Variants in AP1S2 observed in about 807,000 individuals in gnomAD.
AP1S2 encodes the protein AP-1 complex subunit sigma-2.
AP1S2 carries 1 observed loss-of-function variant against 14.3 expected under a neutral mutation model. The ratio of observed to expected loss-of-function variants is 0.07; its 90% CI spans 0.02 to 0.33. The LOEUF (loss-of-function observed/expected upper bound fraction) is 0.33, where lower values mean the gene tolerates loss of function less well. Ranked by LOEUF, AP1S2 falls within the 10% of genes least tolerant of loss-of-function variation. The probability of loss-of-function intolerance (pLI) is 0.99; values close to 1 mark genes in which losing one functional copy is unlikely to be tolerated. For synonymous variants in AP1S2, 30 were observed against 40.5 expected (o/e 0.74, Z 0.99); for missense variants, 30 against 117.7 (o/e 0.25, Z 3.45).
At chrX:15,834,439 A>ATATATATAT (rs1933535710) in intron 4 of AP1S2, among the ~76,000 whole-genome samples, 1 of 25,133 alleles carries the variant, frequency 4.0e-5, no homozygotes, top group Admixed American at 5.5e-4. Flanking sequence ...TCCCTTCCAA[A>ATATATATAT]ATATATATAT....
At chrX:15,852,654 TC>T in intron 1 of AP1S2, 130 bp from the exon 2 acceptor site, 2 of 686,793 alleles carry the variant, frequency 2.9e-6, no homozygotes, top group Non-Finnish European at 4.3e-6. Flanking sequence ...CATCAATATT[TC>T]TATGCCAATT....
intron 4 of AP1S2, chrX:15,831,096 T>C (rs1192842504): frequency 7.0e-5 from 52 of 741,785 alleles, no homozygotes; most frequent in Non-Finnish European, 8.1e-5. Context: ...ACCTCCATAT[T>C]TGAAGACCAA....
intron 3 of AP1S2, 64 bp from the exon 4 acceptor site, chrX:15,845,580 A>G (rs1220748982): frequency 8.6e-7 from 1 of 1,159,277 alleles, no homozygotes; most frequent in Non-Finnish European, 1.2e-6. Context: ...GAAGCAGAAG[A>G]TGCTTATTCA....
chrX:15,830,987 TTTC>T (rs1407280956), intron 4 of AP1S2: 2 of 616,510 alleles, frequency 3.2e-6, no homozygotes, highest in African/African-American at 4.9e-5. Context: ...TTAATTTTAG[TTTC>T]TTGTAATATT....
chrX:15,827,211 A>G lies in AP1S2; in HGVS notation c.*114T>C. Reference sequence around the variant, plus strand: ...TAGGCATGAATGAAGCGGCTTAGCAAAACAGTAATACTGACAAGACATCAT... The same window carrying G: ...TAGGCATGAATGAAGCGGCTTAGCAGAACAGTAATACTGACAAGACATCAT... On this transcript the variant is annotated 3_prime_UTR_variant, in exon 6 of 6. Transcript: ENST00000672987. 1.3e-6 allele frequency: 1 copy of G among 787,284 alleles called. No homozygotes were observed. The highest frequency in any genetic ancestry group is 2.1e-5 in the South Asian group (1 of 47,315). The allele number at this position is 787,284 out of a possible 1,213,427, so 64.9% of individuals were successfully genotyped here.
At chrX:15,833,294 G>T in intron 4 of AP1S2, 2 of 877,376 alleles carry the variant, frequency 2.3e-6, no homozygotes, top group Non-Finnish European at 2.8e-6. Context: ...AATTCTACAG[G>T]AACAATTCTC....
chrX:15,850,882 T>C (rs1001866438), intron 2 of AP1S2, among the ~76,000 whole-genome samples: 1 of 111,663 alleles, frequency 9.0e-6, no homozygotes, highest in Admixed American at 9.6e-5. Flanking sequence ...TGCAGCCCCA[T>C]GTCAATCACT....
chrX:15,845,018 G>A (rs1933958493), intron 4 of AP1S2: 12 of 747,427 alleles, frequency 1.6e-5, no homozygotes, highest in East Asian at 1.5e-4. Context: ...GAAAAAGGGG[G>A]TTATCTTAAA....
chrX:15,837,912 G>T (rs1933699846), intron 4 of AP1S2, among the ~76,000 whole-genome samples: 1 of 111,086 alleles, frequency 9.0e-6, no homozygotes, highest in Non-Finnish European at 1.9e-5. Context: ...GCCTAGGAAT[G>T]ATTTTTATAG....
Position 15,826,810 on chromosome X carries a change from C to CTCCAA in AP1S2, c.*514_*515insTTGGA, listed in dbSNP as rs1434702494. 1 of 102,977 alleles carries CTCCAA rather than the reference C, an allele frequency of 9.7e-6. No individual in the cohort carries two copies. The highest frequency in any genetic ancestry group is 3.0e-4 in the East Asian group (1 of 3,319). The allele number at this position is 102,977 out of a possible 1,213,427, so 8.5% of individuals were successfully genotyped here. A position where few individuals can be genotyped will look rare whatever the true frequency, so the allele number is the denominator to read the frequency against. Reference sequence around the variant, plus strand: ...AAAAAAAGGTATGTAATTTCCAATACAAGTCTTTGGAGTAAATTTGCTTTT... The same window carrying CTCCAA: ...AAAAAAAGGTATGTAATTTCCAATACTCCAAAAGTCTTTGGAGTAAATTTGCTTTT... On this transcript the variant is annotated 3_prime_UTR_variant, in exon 6 of 6. Transcript: ENST00000672987.
chrX:15,832,699 C>A (rs1432931144), intron 4 of AP1S2: 1 of 855,068 alleles, frequency 1.2e-6, no homozygotes, highest in East Asian at 6.0e-5. Context: ...TGTCAATGAA[C>A]CTCTGAAGCT....
intron 4 of AP1S2, among the ~76,000 whole-genome samples, chrX:15,841,452 C>A (rs1245511442): frequency 9.0e-6 from 1 of 110,914 alleles, no homozygotes; most frequent in African/African-American, 3.3e-5. Flanking sequence ...TAAAATTGAC[C>A]AATTAGGACT....
At position 15,827,296 on chromosome X, in the gene AP1S2, C is replaced by T. The variant is rs1933294824; in HGVS notation, c.*29G>A. 1 of 1,177,948 alleles carries T rather than the reference C, an allele frequency of 8.5e-7. No homozygotes were observed. Among genetic ancestry groups the T allele is most frequent in the African/African-American group, 1.8e-5 (1 of 56,399 alleles). On this transcript the variant is annotated 3_prime_UTR_variant, in exon 6 of 6. Transcript: ENST00000672987. ...TGACCATCTACAGTGTGTGAAATGC[C>T]ACAAGAAGTCATCAACAAGGGAGGA...
chrX:15,828,890 C>T (rs1198507254), intron 4 of AP1S2, among the ~76,000 whole-genome samples: 1 of 111,403 alleles, frequency 9.0e-6, no homozygotes, highest in African/African-American at 3.3e-5. Flanking sequence ...TTCTAACAAA[C>T]CAAATATAAA....
chrX:15,833,990 G>C (rs1025223754), intron 4 of AP1S2, among the ~76,000 whole-genome samples: 1 of 111,350 alleles, frequency 9.0e-6, no homozygotes, highest in Non-Finnish European at 1.9e-5. Flanking sequence ...GGGAATAAAG[G>C]TCAGAATGAA....
Position 15,845,888 on chromosome X carries a change from T to C in AP1S2, c.288+15A>G. The C allele has an allele frequency of 1.7e-6, 2 of 1,165,672 alleles. No homozygotes were observed. Among genetic ancestry groups the C allele is most frequent in the Non-Finnish European group, 2.3e-6 (2 of 853,623 alleles). Reference sequence around the variant, plus strand: ...TACTATGGCATTCAATTTCCTAAAATAAAATACTACTCACACTGCCGAAAT... The same window carrying C: ...TACTATGGCATTCAATTTCCTAAAACAAAATACTACTCACACTGCCGAAAT... On this transcript the variant is annotated intron_variant, in intron 3 of 5. Coordinates refer to ENST00000672987, the MANE Select transcript of AP1S2 (RefSeq NM_001272071.2).
At position 15,852,557 on chromosome X, in the gene AP1S2, A is replaced by G. The variant is rs375816022; in HGVS notation, c.1-33T>C. 1.2e-5 allele frequency: 14 copies of G among 1,134,897 alleles called. No homozygotes were observed. In the African/African-American group the frequency reaches 2.5e-4, roughly 20 times the overall value. The allele number at this position is 1,134,897 out of a possible 1,213,427, so 93.5% of individuals were successfully genotyped here. ...GATAAATAAAATCAAGATTACATGT[A>G]ATACTTTGAATCAATAAAGTTAAGA... On this transcript the variant is annotated intron_variant, in intron 1 of 5. Coordinates refer to ENST00000672987, the MANE Select transcript of AP1S2 (RefSeq NM_001272071.2).
rs749716150 is a variant in AP1S2, at chrX:15,835,018, T to A, written c.427-6818A>T. Among the ~76,000 whole-genome samples the A allele has an allele frequency of 5.4e-5, 6 of 111,081 alleles. No individual in the cohort carries two copies. The South Asian group carries it at 2.3e-3, about 42-fold the overall frequency. ...CTAGATATTCACCATACTAGGCTTA[T>A]GACTCACAAGTAAAACCAACAGGGA... On this transcript the variant is annotated intron_variant, in intron 4 of 5. Transcript: ENST00000672987.
rs191072520 is a variant in AP1S2, at chrX:15,833,512, A to C, written c.427-5312T>G. The C allele has an allele frequency of 8.1e-5, 70 of 859,581 alleles. No homozygotes were observed. The African/African-American group carries it at 1.3e-3, about 16-fold the overall frequency. The allele number at this position is 859,581 out of a possible 1,213,427, so 70.8% of individuals were successfully genotyped here. Reference sequence around the variant, plus strand: ...CTTCACTGGAAAAACATCCTTCAAGAAGAAAAGAAACTCTAAAATGCACAA... The same window carrying C: ...CTTCACTGGAAAAACATCCTTCAAGCAGAAAAGAAACTCTAAAATGCACAA... On this transcript the variant is annotated intron_variant, in intron 4 of 5. Transcript: ENST00000672987.
Sources: allele counts gnomAD v4.1 joint callset (sites outside exome capture counted in the v4.1 genomes callset), GRCh38; gene constraint gnomAD v4.1.1; transcripts MANE v1.5; gene names NCBI Gene and HGNC (gene_info 2026-07-23, HGNC 2026-07-21).